Variants in ZNF569 observed in about 807,000 individuals in gnomAD.
The protein encoded by ZNF569 is zinc finger protein 569.
A neutral mutation model predicts 56.3 loss-of-function variants in ZNF569; 38 were observed. That is an observed-to-expected ratio of 0.68 (90% CI 0.52 to 0.88). The LOEUF (loss-of-function observed/expected upper bound fraction) is 0.88. Among genes scored for constraint, ZNF569 ranks in the 40% least tolerant of loss-of-function variants. ZNF569 has a pLI of 0.00. For synonymous variants in ZNF569, 241 were observed against 262.9 expected (o/e 0.92, Z 0.81); for missense variants, 666 against 809.2 (o/e 0.82, Z 2.15).
At chr19:37,450,256 C>T (rs1245023303) in intron 2 of ZNF569, among the ~76,000 whole-genome samples, 1 of 152,170 alleles carries the variant, frequency 6.6e-6, no homozygotes, top group African/African-American at 2.4e-5. Flanking sequence ...TGGTAGAATT[C>T]ACCAGTGGAG....
chr19:37,433,866 T>G (rs892731511), intron 3 of ZNF569, among the ~76,000 whole-genome samples: 1 of 152,164 alleles, frequency 6.6e-6, no homozygotes, highest in Non-Finnish European at 1.5e-5. Flanking sequence ...AGAGAGTCCT[T>G]CAACCTGAAA....
intron 1 of ZNF569, 172 bp downstream of exon 1, chr19:37,466,912 G>C (rs1489285128): frequency 2.0e-5 from 3 of 152,554 alleles, no homozygotes; most frequent in East Asian, 1.9e-4. Flanking sequence ...CTTCACGCCA[G>C]ACTCTCACAG....
At chr19:37,452,822 G>T (rs943058970) in intron 2 of ZNF569, among the ~76,000 whole-genome samples, 6 of 151,940 alleles carry the variant, frequency 3.9e-5, no homozygotes, top group African/African-American at 1.4e-4. Flanking sequence ...TGTCCTTTGT[G>T]CTTCCTGAAT....
chr19:37,439,126 A>T (rs1314546956), intron 3 of ZNF569, among the ~76,000 whole-genome samples: 1 of 152,142 alleles, frequency 6.6e-6, no homozygotes, highest in African/African-American at 2.4e-5. Flanking sequence ...GCTGGAGTGC[A>T]GTGGTGCGAT....
chr19:37,452,833 C>T (rs532877908), intron 2 of ZNF569, among the ~76,000 whole-genome samples: 20 of 152,148 alleles, frequency 1.3e-4, no homozygotes, highest in African/African-American at 4.8e-4. Flanking sequence ...CTTCCTGAAT[C>T]TGGATGTTCG....
At chr19:37,436,553 T>A (rs1029284395) in intron 3 of ZNF569, among the ~76,000 whole-genome samples, 27 of 151,474 alleles carry the variant, frequency 1.8e-4, no homozygotes, top group Non-Finnish European at 2.9e-4. Flanking sequence ...ATCAGTTTTT[T>A]AAAAAAATGA....
chr19:37,430,141 G>A (rs1033172503), intron 3 of ZNF569, among the ~76,000 whole-genome samples: 2 of 151,230 alleles, frequency 1.3e-5, no homozygotes, highest in African/African-American at 4.9e-5. Flanking sequence ...GTTACAGTGA[G>A]TTATAATTGT....
chr19:37,445,528 T>A (rs1054923136), intron 2 of ZNF569, among the ~76,000 whole-genome samples: 1 of 152,162 alleles, frequency 6.6e-6, no homozygotes, highest in Non-Finnish European at 1.5e-5. Flanking sequence ...GCTGATGACA[T>A]GATTGTATAC....
intron 3 of ZNF569, among the ~76,000 whole-genome samples, chr19:37,430,336 C>T (rs941554800): frequency 6.6e-6 from 1 of 152,060 alleles, no homozygotes; most frequent in African/African-American, 2.4e-5. Context: ...AAACTTCCCA[C>T]ATTTGATGAA....
intron 5 of ZNF569, among the ~76,000 whole-genome samples, chr19:37,416,141 G>C (rs369456345): frequency 3.3e-5 from 5 of 151,964 alleles, no homozygotes; most frequent in African/African-American, 1.2e-4. Flanking sequence ...GCTGAGATGG[G>C]AGGATCACCT....
At chr19:37,436,665 A>T (rs1020761736) in intron 3 of ZNF569, among the ~76,000 whole-genome samples, 3 of 152,104 alleles carry the variant, frequency 2.0e-5, no homozygotes, top group Non-Finnish European at 4.4e-5. Flanking sequence ...GGAGAAATTC[A>T]AAGGATCATT....
chr19:37,414,263 GA>G lies in ZNF569; in HGVS notation c.394del (p.Ser132ProfsTer15). 1 of 1,613,370 alleles carries G rather than the reference GA, an allele frequency of 6.2e-7. No individual in the cohort carries two copies. The highest frequency in any genetic ancestry group is 8.5e-7 in the Non-Finnish European group (1 of 1,179,714). On this transcript the variant is annotated frameshift_variant, in exon 6 of 6. Coordinates refer to ENST00000316950, the MANE Select transcript of ZNF569 (RefSeq NM_152484.3). LOFTEE classifies it high-confidence loss of function. ...VFPLNSDFFP[S>X]RHNLYEYDLF... is the part of the protein sequence containing the mutation. ...GTCATACTCATAGAGATTGTGTCTG[GA>G]AGGGAAAAAATCAGAGTTCAGAGGA...
intron 2 of ZNF569, among the ~76,000 whole-genome samples, chr19:37,446,567 A>AAG (rs527258863): frequency 0.018 from 2,537 of 141,012 alleles, 137 homozygotes; most frequent in African/African-American, 0.065. Flanking sequence ...AAAAAAAAAA[A>AAG]AAGAATGAAA....
chr19:37,419,449 C>T (rs754799978), intron 5 of ZNF569, among the ~76,000 whole-genome samples: 59 of 152,066 alleles, frequency 3.9e-4, no homozygotes, highest in Non-Finnish European at 2.1e-4. Flanking sequence ...TGGCTGGGTG[C>T]GGTGGCTCAC....
intron 2 of ZNF569, among the ~76,000 whole-genome samples, chr19:37,457,974 G>C (rs2041700384): frequency 6.6e-6 from 1 of 152,062 alleles, no homozygotes; most frequent in South Asian, 2.1e-4. Context: ...AGATTCAAGT[G>C]ATTCTCCCAT....
chr19:37,449,548 G>T (rs1458988732), intron 2 of ZNF569, among the ~76,000 whole-genome samples: 1 of 151,794 alleles, frequency 6.6e-6, no homozygotes, highest in Non-Finnish European at 1.5e-5. Flanking sequence ...ACACATTTAT[G>T]ATTGTTGTCT....
At chr19:37,440,169 C>T (rs1048603119) in intron 3 of ZNF569, among the ~76,000 whole-genome samples, 1 of 151,986 alleles carries the variant, frequency 6.6e-6, no homozygotes, top group African/African-American at 2.4e-5. Flanking sequence ...ATGTATACCT[C>T]ATACATGTAT....
intron 3 of ZNF569, chr19:37,431,769 C>CCAGGCCT (rs1213224354): frequency 6.6e-6 from 1 of 152,304 alleles, no homozygotes; most frequent in South Asian, 2.1e-4. Flanking sequence ...CATGGTATTT[C>CCAGGCCT]TGGACCTGCC....
intron 5 of ZNF569, 29 bp from the exon 6 acceptor site, chr19:37,414,448 T>C: frequency 6.6e-7 from 1 of 1,523,608 alleles, no homozygotes; most frequent in Non-Finnish European, 8.8e-7. Context: ...AAATATCACT[T>C]ACAAATTTTT....
Sources: gnomAD v4.1 joint callset for allele counts (sites outside exome capture counted in the v4.1 genomes callset) on GRCh38, gnomAD v4.1.1 for gene constraint, MANE v1.5 for transcripts, NCBI Gene and HGNC (gene_info 2026-07-23, HGNC 2026-07-21) for gene names.